LRFN2: variants seen among roughly 807,000 people sequenced by gnomAD.
The protein encoded by LRFN2 is leucine rich repeat and fibronectin type III domain containing 2.
LRFN2 carries 18 observed loss-of-function variants against 37.3 expected under a neutral mutation model. The observed-to-expected ratio is 0.48, with a 90% CI of 0.33 to 0.72. The LOEUF (loss-of-function observed/expected upper bound fraction) is 0.72, where lower values mean the gene tolerates loss of function less well. Ranked by LOEUF, LRFN2 falls within the 30% of genes least tolerant of loss-of-function variation. LRFN2 has a pLI of 0.02. For missense variants in LRFN2, 1,006 were observed against 1,060.7 expected, an observed-to-expected ratio of 0.95 and a Z score of 0.72; for synonymous variants, 556 against 466.6, an observed-to-expected ratio of 1.19 and a Z score of -2.47.
chr6:40,452,353 C>T lies in LRFN2; in HGVS notation c.-18-19222G>A, dbSNP rs7746314. ...GGTCAACCATGCCATAGGACTGCTC[C>T]CGTGATATTGCTGACATCCCAAACC... is the stretch of plus-strand genomic sequence containing the variant. On this transcript the variant is annotated intron_variant, in intron 1 of 2. Transcript: ENST00000338305. Among the ~76,000 whole-genome samples, 1,308 of 152,282 alleles carry T rather than the reference C, an allele frequency of 8.6e-3. 19 individuals carry two copies. Among genetic ancestry groups the T allele is most frequent in the African/African-American group, 0.029 (1,224 of 41,542 alleles).
chr6:40,454,339 G>T (rs957127961), intron 1 of LRFN2, among the ~76,000 whole-genome samples: 2 of 152,126 alleles, frequency 1.3e-5, no homozygotes, highest in Non-Finnish European at 2.9e-5. Context: ...GCTGTCCTGG[G>T]TGCATCTAGT....
At chr6:40,405,922 G>C (rs557893740) in intron 2 of LRFN2, among the ~76,000 whole-genome samples, 2 of 152,206 alleles carry the variant, frequency 1.3e-5, no homozygotes. Flanking sequence ...CCCTGTGTTT[G>C]CTCCCTGACT....
At chr6:40,570,092 C>T (rs1767160999) in intron 1 of LRFN2, among the ~76,000 whole-genome samples, 1 of 152,150 alleles carries the variant, frequency 6.6e-6, no homozygotes, top group African/African-American at 2.4e-5. Context: ...GTGGGTAGGG[C>T]TCAGGCATCA....
intron 2 of LRFN2, among the ~76,000 whole-genome samples, chr6:40,416,185 G>A (rs925986694): frequency 1.3e-5 from 2 of 152,068 alleles, no homozygotes; most frequent in South Asian, 2.1e-4. Context: ...ATTTTTGTAT[G>A]TTTAGTAGAG....
intron 1 of LRFN2, among the ~76,000 whole-genome samples, chr6:40,465,097 G>A (rs1027261876): frequency 6.6e-6 from 1 of 152,148 alleles, no homozygotes; most frequent in Non-Finnish European, 1.5e-5. Flanking sequence ...GAGGTGACAA[G>A]GTCAGAGTGA....
intron 1 of LRFN2, among the ~76,000 whole-genome samples, chr6:40,434,123 T>C (rs1763584239): frequency 6.6e-6 from 1 of 152,200 alleles, no homozygotes; most frequent in Non-Finnish European, 1.5e-5. Flanking sequence ...TTTGTCTTCT[T>C]TATAATTTGT....
chr6:40,556,043 G>A (rs888370769), intron 1 of LRFN2, among the ~76,000 whole-genome samples: 3 of 152,148 alleles, frequency 2.0e-5, no homozygotes, highest in African/African-American at 4.8e-5. Flanking sequence ...GGCACACGCC[G>A]ACCGTCACTG....
chr6:40,430,011 C>T (rs956024338), intron 2 of LRFN2, among the ~76,000 whole-genome samples: 5 of 152,244 alleles, frequency 3.3e-5, no homozygotes, highest in East Asian at 3.9e-4. Context: ...TTATTTCCTT[C>T]TTCATAATTT....
At chr6:40,440,413 G>C (rs1469358043) in intron 1 of LRFN2, among the ~76,000 whole-genome samples, 1 of 152,192 alleles carries the variant, frequency 6.6e-6, no homozygotes, top group Non-Finnish European at 1.5e-5. Context: ...GCTCAGCTCT[G>C]AGTCGATGGT....
chr6:40,580,283 AG>A (rs1767374300), intron 1 of LRFN2, among the ~76,000 whole-genome samples: 1 of 152,202 alleles, frequency 6.6e-6, no homozygotes, highest in Non-Finnish European at 1.5e-5. Context: ...TGTGAATAAA[AG>A]CTTCTAGCAG....
In LRFN2 at chr6:40,579,058, T is replaced by C. The variant is rs555595648; in HGVS notation, c.-19+7883A>G. 5.9e-5 allele frequency among the ~76,000 whole-genome samples: 9 copies of C among 152,288 alleles called. No homozygotes were observed. The South Asian group carries it at 1.9e-3, about 32-fold the overall frequency. ...GGTCTTTGCTCATCAGATGAAGACTTCCCAAGCATCAGGGATCTGCTTTGC... is the reference window on the plus strand; with the variant it reads ...GGTCTTTGCTCATCAGATGAAGACTCCCCAAGCATCAGGGATCTGCTTTGC... On this transcript the variant is annotated intron_variant, in intron 1 of 2. Coordinates refer to ENST00000338305, the MANE Select transcript of LRFN2 (RefSeq NM_020737.3).
At chr6:40,507,976 G>T (rs1765591990) in intron 1 of LRFN2, among the ~76,000 whole-genome samples, 1 of 152,168 alleles carries the variant, frequency 6.6e-6, no homozygotes, top group African/African-American at 2.4e-5. Flanking sequence ...CTCTGCCCCA[G>T]TGGAAAGGTG....
At chr6:40,459,410 G>A (rs1764299623) in intron 1 of LRFN2, among the ~76,000 whole-genome samples, 1 of 152,204 alleles carries the variant, frequency 6.6e-6, no homozygotes, top group Non-Finnish European at 1.5e-5. Flanking sequence ...GCTTGGAGAG[G>A]TTGTGTGTGA....
At chr6:40,450,881 C>G (rs569770712) in intron 1 of LRFN2, among the ~76,000 whole-genome samples, 67 of 152,230 alleles carry the variant, frequency 4.4e-4, no homozygotes, top group Middle Eastern at 3.4e-3. Context: ...AATGCTCAGA[C>G]AGAGGAGGAA....
intron 1 of LRFN2, among the ~76,000 whole-genome samples, chr6:40,526,541 C>G (rs766985149): frequency 6.6e-6 from 1 of 152,166 alleles, no homozygotes; most frequent in Admixed American, 6.5e-5. Flanking sequence ...CTCTCCCCTG[C>G]CCTGGAGCTC....
intron 1 of LRFN2, among the ~76,000 whole-genome samples, chr6:40,545,048 C>T (rs1390274080): frequency 1.3e-5 from 2 of 152,212 alleles, no homozygotes; most frequent in African/African-American, 4.8e-5. Flanking sequence ...CACTTCCCAT[C>T]TCTGAGCCAG....
At chr6:40,564,100 C>A (rs1189246344) in intron 1 of LRFN2, among the ~76,000 whole-genome samples, 1 of 151,984 alleles carries the variant, frequency 6.6e-6, no homozygotes, top group Non-Finnish European at 1.5e-5. Flanking sequence ...CCTAATTTTC[C>A]CCAAGTCATA....
intron 2 of LRFN2, among the ~76,000 whole-genome samples, chr6:40,397,758 C>A (rs1318703972): frequency 6.6e-6 from 1 of 152,022 alleles, no homozygotes; most frequent in Admixed American, 6.5e-5. Flanking sequence ...AGGGAATGTG[C>A]AAGAACCCAG....
At chr6:40,577,033 T>A (rs1248332535) in intron 1 of LRFN2, among the ~76,000 whole-genome samples, 2 of 151,246 alleles carry the variant, frequency 1.3e-5, no homozygotes, top group African/African-American at 4.9e-5. Context: ...TGGTTCTCCC[T>A]ACTGGAGGTC....
Sources: allele counts gnomAD v4.1 joint callset (sites outside exome capture counted in the v4.1 genomes callset), GRCh38; gene constraint gnomAD v4.1.1; transcripts MANE v1.5; gene names NCBI Gene and HGNC (gene_info 2026-07-23, HGNC 2026-07-21).